The following ADAMTS3 variants were observed in gnomAD, a reference collection of about 807,000 sequenced individuals.
ADAMTS3 encodes A disintegrin and metalloproteinase with thrombospondin motifs 3.
ADAMTS3 carries 73 observed loss-of-function variants against 129.0 expected under a neutral mutation model. The observed-to-expected ratio is 0.57, with a 90% CI of 0.47 to 0.69. The LOEUF is 0.69. ADAMTS3 is among the 30% of genes least tolerant of loss of function. ADAMTS3 has a pLI of 0.00. For synonymous variants in ADAMTS3, 477 were observed against 510.8 expected, an observed-to-expected ratio of 0.93 and a Z score of 0.89; for missense variants, 1,457 against 1,514.5, an observed-to-expected ratio of 0.96 and a Z score of 0.63.
intron 3 of ADAMTS3, among the ~76,000 whole-genome samples, chr4:72,533,643 A>C (rs1721106175): frequency 1.3e-5 from 2 of 151,930 alleles, no homozygotes; most frequent in Non-Finnish European, 2.9e-5. Flanking sequence ...ATATGCACAT[A>C]TGTATATATA....
At chr4:72,455,311 C>A (rs377000202) in intron 3 of ADAMTS3, among the ~76,000 whole-genome samples, 132 of 151,708 alleles carry the variant, frequency 8.7e-4, no homozygotes, top group African/African-American at 3.1e-3. Flanking sequence ...AAGATAGGTT[C>A]ATGTCCTTTG....
At chr4:72,450,429 C>T (rs1718365632) in intron 3 of ADAMTS3, among the ~76,000 whole-genome samples, 1 of 151,680 alleles carries the variant, frequency 6.6e-6, no homozygotes, top group Non-Finnish European at 1.5e-5. Context: ...CTTATTGTGG[C>T]TGTGTAAGAG....
chr4:72,356,743 A>G (rs1720591988), intron 4 of ADAMTS3, among the ~76,000 whole-genome samples: 1 of 151,818 alleles, frequency 6.6e-6, no homozygotes, highest in Admixed American at 6.6e-5. Flanking sequence ...TTTTTATATT[A>G]GCATCAAAAC....
Position 72,283,589 on chromosome 4 carries a change from G to A in ADAMTS3, c.3165C>T (p.Ser1055=), listed in dbSNP as rs1718416804. ...LCCESCSKRS[S]TLPPPYLLEA... Reference sequence around the variant, plus strand: ...CTAGAAGGTATGGTGGTGGCAGGGTGCTACTGCGCTTGCTGCAGGACTCAC... The same window carrying A: ...CTAGAAGGTATGGTGGTGGCAGGGTACTACTGCGCTTGCTGCAGGACTCAC... The change falls in exon 22 of 22, where the codon AGC becomes AGT. Residue 1055 remains serine (S), a synonymous_variant. Transcript: ENST00000286657. The A allele has an allele frequency of 1.2e-6, 2 of 1,614,024 alleles. No homozygotes were observed. The highest frequency in any genetic ancestry group is 2.7e-5 in the African/African-American group (2 of 75,032).
Position 72,472,561 on chromosome 4 carries a change from C to T in ADAMTS3, c.505-57590G>A, listed in dbSNP as rs143209826. ...CATGTTATGAATTGCTTTTAAGAACCTGACAATGTCATCTTGTCCGTTCCC... is the reference window on the plus strand; with the variant it reads ...CATGTTATGAATTGCTTTTAAGAACTTGACAATGTCATCTTGTCCGTTCCC... On this transcript the variant is annotated intron_variant, in intron 3 of 21. Coordinates refer to ENST00000286657, the MANE Select transcript of ADAMTS3 (RefSeq NM_014243.3). 4.7e-3 allele frequency among the ~76,000 whole-genome samples: 714 copies of T among 152,068 alleles called. 1 individual carries two copies. The highest frequency in any genetic ancestry group is 0.013 in the African/African-American group (554 of 41,484).
At chr4:72,384,054 A>G (rs2109882982) in intron 4 of ADAMTS3, among the ~76,000 whole-genome samples, 1 of 152,060 alleles carries the variant, frequency 6.6e-6, no homozygotes, top group South Asian at 2.1e-4. Flanking sequence ...CAAGTTTAAC[A>G]TCAATTGAAA....
At chr4:72,560,852 T>A (rs1229363085) in intron 2 of ADAMTS3, among the ~76,000 whole-genome samples, 4 of 152,206 alleles carry the variant, frequency 2.6e-5, no homozygotes, top group African/African-American at 9.7e-5. Context: ...AAATTAAAAT[T>A]AAATTTTTTT....
chr4:72,550,016 G>T (rs1721586967), intron 2 of ADAMTS3, among the ~76,000 whole-genome samples: 1 of 824 alleles, frequency 1.2e-3, no homozygotes, highest in Non-Finnish European at 3.5e-3. Flanking sequence ...AGAAGAAGAA[G>T]AAGAAGAAGA....
intron 19 of ADAMTS3, among the ~76,000 whole-genome samples, chr4:72,295,308 A>C (rs977279962): frequency 1.3e-5 from 2 of 151,978 alleles, no homozygotes; most frequent in African/African-American, 4.8e-5. Flanking sequence ...GTGGTCATAA[A>C]ATAATACAAT....
chr4:72,316,653 A>G (rs1453715147), intron 10 of ADAMTS3, among the ~76,000 whole-genome samples: 1 of 151,820 alleles, frequency 6.6e-6, no homozygotes, highest in Admixed American at 6.6e-5. Flanking sequence ...AAGCCACTGT[A>G]CCCTCCAGCC....
chr4:72,542,625 G>A (rs1033315948), intron 3 of ADAMTS3, among the ~76,000 whole-genome samples: 2 of 152,206 alleles, frequency 1.3e-5, no homozygotes, highest in Admixed American at 6.5e-5. Context: ...CCTAATGACT[G>A]TGACTACATG....
intron 12 of ADAMTS3, among the ~76,000 whole-genome samples, chr4:72,312,926 A>C (rs1329765573): frequency 2.0e-5 from 3 of 151,888 alleles, no homozygotes; most frequent in Non-Finnish European, 4.4e-5. Context: ...ACTCCTAACA[A>C]CTCTGGCTCA....
chr4:72,539,200 G>A (rs998417961), intron 3 of ADAMTS3, among the ~76,000 whole-genome samples: 4 of 151,930 alleles, frequency 2.6e-5, no homozygotes, highest in African/African-American at 9.7e-5. Flanking sequence ...ATCAAAAGAC[G>A]CTATTAACAG....
intron 3 of ADAMTS3, among the ~76,000 whole-genome samples, chr4:72,476,325 G>T (rs1719231699): frequency 6.6e-6 from 1 of 151,918 alleles, no homozygotes; most frequent in Non-Finnish European, 1.5e-5. Context: ...AATAATGATA[G>T]AATGCAATGA....
chr4:72,550,166 T>C lies in ADAMTS3; in HGVS notation c.98-1282A>G, dbSNP rs1324345170. On this transcript the variant is annotated intron_variant, in intron 2 of 21. Coordinates refer to ENST00000286657, the MANE Select transcript of ADAMTS3 (RefSeq NM_014243.3). The stretch of plus-strand genomic sequence containing the variant: ...ACATGAACTAAAAAGTTTCCCACTT[T>C]CACAATTCTAGCCTTACGCTAATCC... Among the ~76,000 whole-genome samples, 13 of 151,456 alleles carry C rather than the reference T, an allele frequency of 8.6e-5. No individual in the cohort carries two copies. In the South Asian group the frequency reaches 2.5e-3, roughly 29 times the overall value.
At chr4:72,434,173 C>G (rs893894088) in intron 3 of ADAMTS3, among the ~76,000 whole-genome samples, 4 of 151,694 alleles carry the variant, frequency 2.6e-5, no homozygotes, top group Admixed American at 1.3e-4. Context: ...GGAGCTCCCC[C>G]CCACCAAGAG....
At chr4:72,507,777 G>A (rs754982422) in intron 3 of ADAMTS3, among the ~76,000 whole-genome samples, 1 of 152,112 alleles carries the variant, frequency 6.6e-6, no homozygotes. Flanking sequence ...CCACTCTTGT[G>A]TTTATCCTGT....
In ADAMTS3 at chr4:72,367,849, CAA is replaced by C. The variant is rs35388186; in HGVS notation, c.662-28158_662-28157del. On this transcript the variant is annotated intron_variant, in intron 4 of 21. Coordinates refer to ENST00000286657, the MANE Select transcript of ADAMTS3 (RefSeq NM_014243.3). ...TGGGCGACAAAGCAAGACTCTGTGT[CAA>C]AAAAAAAAAAAAAAAAGACAACTAG... Among the ~76,000 whole-genome samples the C allele has an allele frequency of 3.6e-3, 447 of 125,626 alleles. 3 individuals are homozygous for C. The highest frequency in any genetic ancestry group is 8.7e-3 in the Middle Eastern group (2 of 230). The allele number at this position is 125,626 out of a possible 152,430, so 82.4% of individuals were successfully genotyped here. A position where few individuals can be genotyped will look rare whatever the true frequency, so the allele number is the denominator to read the frequency against.
intron 3 of ADAMTS3, among the ~76,000 whole-genome samples, chr4:72,518,478 C>G (rs1309490398): frequency 6.6e-6 from 1 of 152,046 alleles, no homozygotes; most frequent in Non-Finnish European, 1.5e-5. Context: ...GTCTAAGTCT[C>G]TTTGTAGGTC....
Sources: allele counts gnomAD v4.1 joint callset (sites outside exome capture counted in the v4.1 genomes callset), GRCh38; gene constraint gnomAD v4.1.1; transcripts MANE v1.5; gene names NCBI Gene and HGNC (gene_info 2026-07-23, HGNC 2026-07-21).